Variants in CRTC1 observed in about 807,000 individuals in gnomAD.
CRTC1 encodes CREB regulated transcription coactivator 1.
In CRTC1, 18 loss-of-function variants were observed where a neutral mutation model predicts 66.1. The ratio of observed to expected loss-of-function variants is 0.27; its 90% CI spans 0.19 to 0.40. The LOEUF (loss-of-function observed/expected upper bound fraction) is 0.40, where lower values mean the gene tolerates loss of function less well. CRTC1 is among the 10% of genes least tolerant of loss of function. The pLI, the probability that CRTC1 is intolerant of heterozygous loss-of-function variation, is 1.00. For missense variants in CRTC1, 669 were observed against 887.9 expected, an observed-to-expected ratio of 0.75 and a Z score of 3.13; for synonymous variants, 416 against 398.8, an observed-to-expected ratio of 1.04 and a Z score of -0.51.
chr19:18,686,318 T>C (rs2145445326), intron 1 of CRTC1, among the ~76,000 whole-genome samples: 1 of 152,344 alleles, frequency 6.6e-6, no homozygotes, highest in Middle Eastern at 3.4e-3. Flanking sequence ...ATGGATATAT[T>C]GTATTTGTTT....
At position 18,779,508 on chromosome 19, in the gene CRTC1, C is replaced by T. The variant is rs1211982500; in HGVS notation, c.*2126C>T. 1 of 215,664 alleles carries T rather than the reference C, an allele frequency of 4.6e-6. No homozygotes were observed. The highest frequency in any genetic ancestry group is 2.3e-5 in the African/African-American group (1 of 43,760). 13.4% of individuals were successfully genotyped at this position (215,664 alleles called of 1,614,324 possible). A position where few individuals can be genotyped will look rare whatever the true frequency, so the allele number is the denominator to read the frequency against. On this transcript the variant is annotated 3_prime_UTR_variant, in exon 14 of 14. Coordinates refer to ENST00000321949, the MANE Select transcript of CRTC1 (RefSeq NM_015321.3). ...CATGTACATAGGAGAGTTTCATTAC[C>T]ATTAGACTTGTATGTAGGACTTAAA...
chr19:18,763,648 C>T (rs1411976539), intron 8 of CRTC1, among the ~76,000 whole-genome samples: 1 of 152,270 alleles, frequency 6.6e-6, no homozygotes, highest in Non-Finnish European at 1.5e-5. Flanking sequence ...CACCAGATTT[C>T]TGGCTGCTCT....
intron 1 of CRTC1, among the ~76,000 whole-genome samples, chr19:18,695,367 T>C (rs1021958679): frequency 3.9e-5 from 6 of 152,206 alleles, no homozygotes; most frequent in African/African-American, 1.4e-4. Flanking sequence ...AAGTGGGGTC[T>C]GCCCTGGGTA....
At chr19:18,709,811 G>A (rs2053348308) in intron 1 of CRTC1, among the ~76,000 whole-genome samples, 1 of 152,298 alleles carries the variant, frequency 6.6e-6, no homozygotes, top group Non-Finnish European at 1.5e-5. Context: ...ACAGCTGCCT[G>A]GCGTTCCCTG....
At chr19:18,773,133 C>G (rs139528504) in intron 11 of CRTC1, among the ~76,000 whole-genome samples, 2 of 152,262 alleles carry the variant, frequency 1.3e-5, no homozygotes, top group African/African-American at 4.8e-5. Context: ...CCGTCGTGCG[C>G]TGATGCAGGA....
chr19:18,781,198 C>A lies in CRTC1; in HGVS notation c.*3816C>A. 4.4e-6 allele frequency: 1 copy of A among 227,334 alleles called. No homozygotes were observed. The highest frequency in any genetic ancestry group is 8.7e-6 in the Non-Finnish European group (1 of 114,424). 14.1% of individuals were successfully genotyped at this position (227,334 alleles called of 1,614,324 possible). A position where few individuals can be genotyped will look rare whatever the true frequency, so the allele number is the denominator to read the frequency against. On this transcript the variant is annotated 3_prime_UTR_variant, in exon 14 of 14. Transcript: ENST00000321949. ...TGTGCCCCTGGGCCTGGCCCGTCAC[C>A]CACATGTGGTGCCCTGGGCCAGGGC... is the stretch of plus-strand genomic sequence containing the variant.
intron 3 of CRTC1, among the ~76,000 whole-genome samples, chr19:18,746,606 CGG>C (rs553057813): frequency 2.8e-3 from 420 of 152,180 alleles, no homozygotes; most frequent in African/African-American, 9.4e-3. Context: ...GCTTGTTCTC[CGG>C]TTCTCATTTC....
intron 1 of CRTC1, among the ~76,000 whole-genome samples, chr19:18,692,330 G>C (rs1163653998): frequency 1.3e-5 from 2 of 152,170 alleles, no homozygotes; most frequent in African/African-American, 4.8e-5. Flanking sequence ...TGTCAGGCCC[G>C]GGGTTCCTTG....
intron 1 of CRTC1, among the ~76,000 whole-genome samples, chr19:18,696,183 A>T (rs1249905776): frequency 6.6e-6 from 1 of 152,122 alleles, no homozygotes; most frequent in Non-Finnish European, 1.5e-5. Context: ...CCCAGGTTGG[A>T]CTAACCCCGC....
At chr19:18,689,106 C>A (rs1179744608) in intron 1 of CRTC1, among the ~76,000 whole-genome samples, 1 of 151,932 alleles carries the variant, frequency 6.6e-6, no homozygotes, top group African/African-American at 2.4e-5. Context: ...CCACCACACC[C>A]GGCTAATTTT....
rs145849670 is a variant in CRTC1 at position 18,735,336 on chromosome 19, TG to T, written c.127-7572del. Among the ~76,000 whole-genome samples the T allele has an allele frequency of 8.4e-4, 128 of 152,284 alleles. 1 individual carries two copies. In the East Asian group the frequency reaches 0.024, roughly 29 times the overall value. On this transcript the variant is annotated intron_variant, in intron 1 of 13. Transcript: ENST00000321949. Reference sequence around the variant, plus strand: ...GGGATGCCATCCCTGCTGGTGCATCTGGTTAAAAGCTGGCCTGGAGGGTGTT... The same window carrying T: ...GGGATGCCATCCCTGCTGGTGCATCTGTTAAAAGCTGGCCTGGAGGGTGTT...
intron 5 of CRTC1, among the ~76,000 whole-genome samples, chr19:18,750,645 T>C (rs57396922): frequency 1.1e-4 from 16 of 152,266 alleles, no homozygotes; most frequent in African/African-American, 3.8e-4. Context: ...CTCACATACC[T>C]ATGCTTGTAT....
chr19:18,702,130 T>C (rs1015723153), intron 1 of CRTC1, among the ~76,000 whole-genome samples: 3 of 151,694 alleles, frequency 2.0e-5, no homozygotes, highest in Admixed American at 6.6e-5. Context: ...TCCATGTTGG[T>C]CAGGCTGGTC....
At chr19:18,737,526 G>A (rs1162478567) in intron 1 of CRTC1, among the ~76,000 whole-genome samples, 1 of 152,238 alleles carries the variant, frequency 6.6e-6, no homozygotes, top group Non-Finnish European at 1.5e-5. Flanking sequence ...AGAGTGGCAT[G>A]TACTGGTACA....
chr19:18,711,719 A>AT (rs2053396714), intron 1 of CRTC1, among the ~76,000 whole-genome samples: 1 of 151,524 alleles, frequency 6.6e-6, no homozygotes, highest in Non-Finnish European at 1.5e-5. Flanking sequence ...CTGCGTTGGG[A>AT]GGGGGTGTGT....
intron 3 of CRTC1, 78 bp from the exon 4 acceptor site, chr19:18,746,975 G>T: frequency 7.0e-7 from 1 of 1,428,416 alleles, no homozygotes. Flanking sequence ...GCCAGCCGGG[G>T]CTTCCTGCCC....
At chr19:18,696,519 T>C (rs573933808) in intron 1 of CRTC1, among the ~76,000 whole-genome samples, 135 of 152,246 alleles carry the variant, frequency 8.9e-4, no homozygotes, top group Middle Eastern at 3.4e-3. Flanking sequence ...GATGAGAAAT[T>C]GAGGCACAGG....
At chr19:18,743,308 G>A (rs1039547643) in intron 2 of CRTC1, among the ~76,000 whole-genome samples, 16 of 152,372 alleles carry the variant, frequency 1.1e-4, no homozygotes, top group Admixed American at 8.5e-4. Context: ...GCGGCAGCGG[G>A]AACCGCTCGG....
chr19:18,777,692 C>A lies in CRTC1; in HGVS notation c.*310C>A. 2.5e-6 allele frequency: 1 copy of A among 407,108 alleles called. No individual in the cohort carries two copies. Among genetic ancestry groups the A allele is most frequent in the Non-Finnish European group, 4.4e-6 (1 of 224,980 alleles). 25.2% of individuals were successfully genotyped at this position (407,108 alleles called of 1,614,324 possible). ...CCAGCCCCGGGGCCTGAGCCGTCCC[C>A]TGTAAGATGCGGGAAGTGTCAGCTC... On this transcript the variant is annotated 3_prime_UTR_variant, in exon 14 of 14. Coordinates refer to ENST00000321949, the MANE Select transcript of CRTC1 (RefSeq NM_015321.3). The surrounding 1 kb of genome is among the most constrained non-coding windows in gnomAD (Gnocchi z 5.5).
Sources: gnomAD v4.1 joint callset for allele counts (sites outside exome capture counted in the v4.1 genomes callset) on GRCh38, gnomAD v4.1.1 for gene constraint, Gnocchi (gnomAD v3.1) non-coding constraint, MANE v1.5 for transcripts, NCBI Gene and HGNC (gene_info 2026-07-23, HGNC 2026-07-21) for gene names.